FAM20B: variants seen among roughly 807,000 people sequenced by gnomAD.
The protein encoded by FAM20B is glycosaminoglycan xylosylkinase.
A neutral mutation model predicts 43.8 loss-of-function variants in FAM20B; 23 were observed. The observed-to-expected ratio is 0.53, with a 90% CI of 0.38 to 0.74. The LOEUF is 0.74. Among genes scored for constraint, FAM20B ranks in the 30% least tolerant of loss-of-function variants. The pLI, the probability that FAM20B is intolerant of heterozygous loss-of-function variation, is 0.00. For missense variants in FAM20B, 440 were observed against 510.5 expected (o/e 0.86, Z 1.33); for synonymous variants, 178 against 192.4 (o/e 0.93, Z 0.62).
the FAM20B span, among the ~76,000 whole-genome samples, chr1:179,018,043 G>A: frequency 1.3e-4 from 20 of 152,316 alleles, no homozygotes; most frequent in Admixed American, 1.0e-3. Context: ...AGGGTGTTCT[G>A]CCCTTGACAT....
chr1:179,041,564 G>A (rs924823205), intron 1 of FAM20B, among the ~76,000 whole-genome samples: 1 of 141,142 alleles, frequency 7.1e-6, no homozygotes, highest in African/African-American at 2.7e-5. Flanking sequence ...GCAGTGAGCC[G>A]AGATGGCAGC....
chr1:179,067,639 T>A (rs9283394), intron 7 of FAM20B, among the ~76,000 whole-genome samples: 107,248 of 152,048 alleles, frequency 0.71, 38,921 homozygotes, highest in African/African-American at 0.87. Context: ...TTGGTTTTTT[T>A]AAAAAAACTC....
At chr1:179,046,601 G>A (rs1355808665) in intron 2 of FAM20B, among the ~76,000 whole-genome samples, 1 of 152,156 alleles carries the variant, frequency 6.6e-6, no homozygotes, top group Non-Finnish European at 1.5e-5. Flanking sequence ...GCGGTGAGCT[G>A]AGATTGCACC....
intron 1 of FAM20B, among the ~76,000 whole-genome samples, chr1:179,029,503 C>T (rs545132234): frequency 6.6e-6 from 1 of 152,316 alleles, no homozygotes; most frequent in Admixed American, 6.5e-5. Context: ...TGTAAAGAAT[C>T]TACATGACAG....
chr1:179,020,603 A>G, the FAM20B span, among the ~76,000 whole-genome samples: 2 of 152,384 alleles, frequency 1.3e-5, no homozygotes, highest in East Asian at 1.9e-4. Context: ...ACAATTTCAC[A>G]TGATTCAACC....
Position 179,064,438 on chromosome 1 carries a change from G to C in FAM20B, c.880G>C (p.Glu294Gln). The change falls in exon 6 of 8, where the codon GAG becomes CAG. Residue 294 changes from glutamate (E) to glutamine (Q), a missense_variant. Glu to Gln is a conservative substitution (Grantham distance 29). Transcript: ENST00000263733. ...LIGNADRHHY[E>Q]SFQDDEGASM... Reference sequence around the variant, plus strand: ...TGGCAATGCTGACCGCCATCACTATGAGAGCTTTCAAGATGATGAAGGCGC... The same window carrying C: ...TGGCAATGCTGACCGCCATCACTATCAGAGCTTTCAAGATGATGAAGGCGC... 3 of 1,614,178 alleles carry C rather than the reference G, an allele frequency of 1.9e-6. No individual in the cohort carries two copies. The South Asian group carries it at 3.3e-5, about 18-fold the overall frequency.
Position 179,064,305 on chromosome 1 carries a change from G to A in FAM20B, c.747G>A (p.Arg249=), listed in dbSNP as rs773650162. The A allele has an allele frequency of 2.9e-5, 47 of 1,601,402 alleles. No individual in the cohort carries two copies. The South Asian group carries it at 5.2e-4, about 18-fold the overall frequency. The change falls in exon 6 of 8, where the codon AGG becomes AGA. Residue 249 remains arginine (R), a splice_region_variant and synonymous_variant. Coordinates refer to ENST00000263733, the MANE Select transcript of FAM20B (RefSeq NM_014864.4). ...GRTYREGKLA[R]WEYDESYCDA... ...GTGCTGTGATGCTGCTTGTCTCCAG[G>A]TGGGAGTATGATGAGAGCTACTGTG...
At chr1:179,054,750 A>T in intron 4 of FAM20B, 112 bp downstream of exon 4, 1 of 546,998 alleles carries the variant, frequency 1.8e-6, no homozygotes, top group Non-Finnish European at 3.2e-6. Flanking sequence ...TCAGTGGAAT[A>T]CAAAAGCAAA....
chr1:179,057,599 C>G (rs576319005), intron 4 of FAM20B, among the ~76,000 whole-genome samples: 1 of 152,194 alleles, frequency 6.6e-6, no homozygotes, highest in African/African-American at 2.4e-5. Context: ...AATGACTTTC[C>G]CAAAGTCACA....
chr1:179,036,952 C>T (rs907594758), intron 1 of FAM20B, among the ~76,000 whole-genome samples: 2 of 152,060 alleles, frequency 1.3e-5, no homozygotes, highest in African/African-American at 4.8e-5. Flanking sequence ...TTTTGAGGGA[C>T]TACAGTGTAA....
chr1:179,040,972 A>G (rs1437840969), intron 1 of FAM20B, among the ~76,000 whole-genome samples: 3 of 137,854 alleles, frequency 2.2e-5, no homozygotes, highest in African/African-American at 8.6e-5. Context: ...CTCACATCCC[A>G]GACGGGGCCG....
At chr1:179,065,777 C>T (rs949549571) in intron 6 of FAM20B, among the ~76,000 whole-genome samples, 1 of 152,148 alleles carries the variant, frequency 6.6e-6, no homozygotes, top group Non-Finnish European at 1.5e-5. Flanking sequence ...CCACTCGGGC[C>T]GCTATAACAA....
rs74601220 is a variant in FAM20B, at chr1:179,026,746, G to T, written c.-134+648G>T. ...GGCTGCGCTTGAGATTTCATTTCCGGGTGTGACGGCCCCGCGATTAAGAGC... is the reference window on the plus strand; with the variant it reads ...GGCTGCGCTTGAGATTTCATTTCCGTGTGTGACGGCCCCGCGATTAAGAGC... On this transcript the variant is annotated intron_variant, in intron 1 of 7. Coordinates refer to ENST00000263733, the MANE Select transcript of FAM20B (RefSeq NM_014864.4). Among the ~76,000 whole-genome samples, 187 of 152,340 alleles carry T rather than the reference G, an allele frequency of 1.2e-3. 1 individual carries two copies. In the East Asian group the frequency reaches 0.024, roughly 19 times the overall value.
At chr1:179,019,338 T>C in the FAM20B span, among the ~76,000 whole-genome samples, 1 of 152,070 alleles carries the variant, frequency 6.6e-6, no homozygotes, top group Non-Finnish European at 1.5e-5. Flanking sequence ...TGGCAGAACT[T>C]GGTGCTAATC....
chr1:179,071,973 C>G lies in FAM20B; in HGVS notation c.1059C>G (p.Ala353=). 6.2e-7 allele frequency: 1 copy of G among 1,614,124 alleles called. No individual in the cohort carries two copies. Among genetic ancestry groups the G allele is most frequent in the South Asian group, 1.1e-5 (1 of 91,076 alleles). ...NYLKNGVLKS[A]LKSAMAHDPI... ...TAAAGAATGGTGTGCTAAAGTCTGC[C>G]TTAAAATCTGCCATGGCCCATGACC... The change falls in exon 8 of 8, where the codon GCC becomes GCG. Residue 353 remains alanine, a synonymous_variant. Coordinates refer to ENST00000263733, the MANE Select transcript of FAM20B (RefSeq NM_014864.4).
intron 2 of FAM20B, among the ~76,000 whole-genome samples, chr1:179,047,799 G>A (rs1013918769): frequency 6.6e-6 from 1 of 152,202 alleles, no homozygotes. Flanking sequence ...GCAAATTAAT[G>A]TCCTTGGTCA....
chr1:179,058,729 A>G (rs572685995), intron 4 of FAM20B, among the ~76,000 whole-genome samples: 9 of 152,342 alleles, frequency 5.9e-5, no homozygotes, highest in African/African-American at 1.7e-4. Context: ...GGGGAGAATC[A>G]AGAGCTGAGA....
chr1:179,023,968 T>C (rs931478385), upstream of FAM20B, among the ~76,000 whole-genome samples: 2 of 152,296 alleles, frequency 1.3e-5, no homozygotes, highest in South Asian at 2.1e-4. Context: ...GGGCAGAAAC[T>C]GACATCATGG....
upstream of FAM20B, among the ~76,000 whole-genome samples, chr1:179,022,953 T>C (rs1222446027): frequency 6.6e-6 from 1 of 151,776 alleles, no homozygotes; most frequent in African/African-American, 2.4e-5. Flanking sequence ...CAGGTGGGAG[T>C]GAGGTGGATT....
Sources: allele counts gnomAD v4.1 joint callset (sites outside exome capture counted in the v4.1 genomes callset), GRCh38; gene constraint gnomAD v4.1.1; transcripts MANE v1.5; gene names NCBI Gene and HGNC (gene_info 2026-07-23, HGNC 2026-07-21).